The following CDH23 variants were observed in gnomAD, a reference collection of about 807,000 sequenced individuals.
CDH23 encodes the protein cadherin-23.
CDH23 carries 189 observed loss-of-function variants against 317.1 expected under a neutral mutation model. The ratio of observed to expected loss-of-function variants is 0.60; its 90% CI spans 0.53 to 0.67. The LOEUF is 0.67. CDH23 is among the 30% of genes least tolerant of loss of function. The pLI, the probability that CDH23 is intolerant of heterozygous loss-of-function variation, is 0.00. For missense variants in CDH23, 4,401 were observed against 4,592.4 expected (o/e 0.96, Z 1.20); for synonymous variants, 1,839 against 1,876.8 (o/e 0.98, Z 0.52).
At chr10:71,655,736 A>G (rs538721053) in intron 14 of CDH23, among the ~76,000 whole-genome samples, 2 of 152,180 alleles carry the variant, frequency 1.3e-5, no homozygotes, top group Admixed American at 6.5e-5. Flanking sequence ...GGTCTGGGGT[A>G]TCTAGGACAG....
intron 3 of CDH23, among the ~76,000 whole-genome samples, chr10:71,448,195 T>C (rs138781982): frequency 1.3e-5 from 2 of 152,194 alleles, no homozygotes; most frequent in Non-Finnish European, 2.9e-5. Flanking sequence ...TTGGGATGGG[T>C]TGGGGAGGGA....
At chr10:71,399,952 C>A (rs1847706085) in intron 1 of CDH23, among the ~76,000 whole-genome samples, 1 of 151,988 alleles carries the variant, frequency 6.6e-6, no homozygotes, top group Admixed American at 6.6e-5. Context: ...CTGCCCCTCC[C>A]AGATGGGTGG....
intron 9 of CDH23, among the ~76,000 whole-genome samples, chr10:71,601,961 A>AGGCGG (rs1289348195): frequency 7.1e-6 from 1 of 139,980 alleles, no homozygotes; most frequent in African/African-American, 2.6e-5. Flanking sequence ...TGGGCGGCGG[A>AGGCGG]GGGGGGGGGG....
In CDH23 at chr10:71,475,983, G is replaced by A. The variant is rs183052644; in HGVS notation, c.145+29588G>A. On this transcript the variant is annotated intron_variant, in intron 3 of 69. Coordinates refer to ENST00000224721, the MANE Select transcript of CDH23 (RefSeq NM_022124.6). Reference sequence around the variant, plus strand: ...TTCCACTCTTCAAAGCAAGGGGGTGGCTGAGATGGTTTCTGAGGTCCTTTG... The same window carrying A: ...TTCCACTCTTCAAAGCAAGGGGGTGACTGAGATGGTTTCTGAGGTCCTTTG... 5.4e-3 allele frequency among the ~76,000 whole-genome samples: 824 copies of A among 152,346 alleles called. 23 individuals carry two copies. The highest frequency in any genetic ancestry group is 0.039 in the Admixed American group (599 of 15,306).
chr10:71,401,943 A>G (rs1847799927), intron 1 of CDH23, among the ~76,000 whole-genome samples: 3 of 152,244 alleles, frequency 2.0e-5, no homozygotes, highest in African/African-American at 7.2e-5. Flanking sequence ...ATTGAATCCC[A>G]TAGGGCAGAA....
chr10:71,754,238 G>T (rs889898919), intron 38 of CDH23, among the ~76,000 whole-genome samples: 1 of 152,170 alleles, frequency 6.6e-6, no homozygotes, highest in African/African-American at 2.4e-5. Flanking sequence ...CAGGTAGGTT[G>T]TGGTGTGTTC....
chr10:71,658,763 G>GA (rs1863522562), intron 14 of CDH23, among the ~76,000 whole-genome samples: 1 of 152,174 alleles, frequency 6.6e-6, no homozygotes, highest in Non-Finnish European at 1.5e-5. Flanking sequence ...CCGGGATTCA[G>GA]ACCCCAGACG....
chr10:71,754,533 G>C (rs1840084884), intron 38 of CDH23, among the ~76,000 whole-genome samples: 1 of 152,138 alleles, frequency 6.6e-6, no homozygotes. Context: ...GACTAACCAA[G>C]ACTCAAGGGC....
chr10:71,783,599 C>A, intron 41 of CDH23, among the ~76,000 whole-genome samples: 1 of 152,354 alleles, frequency 6.6e-6, no homozygotes, highest in South Asian at 2.1e-4. Flanking sequence ...TCGGGCCCTG[C>A]AGCCCAGCCA....
At chr10:71,410,464 G>C (rs1848300084) in intron 1 of CDH23, among the ~76,000 whole-genome samples, 1 of 152,198 alleles carries the variant, frequency 6.6e-6, no homozygotes, top group African/African-American at 2.4e-5. Flanking sequence ...CAGGAAGAGA[G>C]GCAAAGCAGG....
intron 41 of CDH23, among the ~76,000 whole-genome samples, chr10:71,779,851 A>G (rs1364558107): frequency 1.3e-5 from 2 of 152,250 alleles, no homozygotes; most frequent in Non-Finnish European, 2.9e-5. Context: ...TGCTCTGCAC[A>G]TCTCATAGTC....
intron 6 of CDH23, among the ~76,000 whole-genome samples, chr10:71,524,449 T>C (rs72813926): frequency 0.031 from 4,686 of 152,314 alleles, 93 homozygotes; most frequent in Non-Finnish European, 0.052. Flanking sequence ...GGAGAAGGGC[T>C]GAGTCTGGCC....
intron 19 of CDH23, among the ~76,000 whole-genome samples, chr10:71,688,872 ATGATGGAGCCAGGGG>A (rs1865037771): frequency 1.7e-5 from 1 of 57,494 alleles, no homozygotes; most frequent in African/African-American, 6.9e-5. Flanking sequence ...GGAGTCAGGG[ATGATGGAGCCAGGGG>A]TGGTGGAGCC....
At position 71,798,573 on chromosome 10, in the gene CDH23, C is replaced by A; in HGVS notation, c.7049C>A (p.Ser2350Ter). 6.2e-7 allele frequency: 1 copy of A among 1,607,322 alleles called. No individual in the cohort carries two copies. Among genetic ancestry groups the A allele is most frequent in the South Asian group, 1.1e-5 (1 of 90,638 alleles). The change falls in exon 50 of 70, where the codon TCG becomes TAG. Residue 2350 changes from serine (S) to a stop codon, truncating the protein, a stop_gained. Transcript: ENST00000224721. LOFTEE classifies it high-confidence loss of function. Reference protein sequence around the residue: ...PPGYVQLEDSSAGKVIANRTV... With the variant: ...PPGYVQLEDS ...GGGTATGTCCAGCTGGAGGACTCCTCGGCAGGTAGGTTAGAAATCTGTCAG... is the reference window on the plus strand; with the variant it reads ...GGGTATGTCCAGCTGGAGGACTCCTAGGCAGGTAGGTTAGAAATCTGTCAG...
At chr10:71,400,350 C>T (rs1010847185) in intron 1 of CDH23, among the ~76,000 whole-genome samples, 1 of 152,208 alleles carries the variant, frequency 6.6e-6, no homozygotes, top group Non-Finnish European at 1.5e-5. Flanking sequence ...AGAGGCAGTC[C>T]TTCCCCTAAG....
chr10:71,544,972 G>A (rs58103374), intron 6 of CDH23, among the ~76,000 whole-genome samples: 1,803 of 152,270 alleles, frequency 0.012, 36 homozygotes, highest in African/African-American at 0.041. Flanking sequence ...GTGCCCTGGG[G>A]TAACCCTGGG....
At position 71,440,312 on chromosome 10, in the gene CDH23, C is replaced by T. The variant is rs1564581110; in HGVS notation, c.67+414C>T. ...AGCTCTGAGGGAATGGAGGAAATAA[C>T]TCATTCTCAAGAAGCTCAGAGCCTG... On this transcript the variant is annotated intron_variant, in intron 2 of 69. Transcript: ENST00000224721. 1.3e-5 allele frequency among the ~76,000 whole-genome samples: 2 copies of T among 152,288 alleles called. 1 individual carries two copies. Among genetic ancestry groups the T allele is most frequent in the South Asian group, 4.1e-4 (2 of 4,828 alleles).
At chr10:71,638,747 G>A (rs751304082) in intron 11 of CDH23, among the ~76,000 whole-genome samples, 11 of 152,196 alleles carry the variant, frequency 7.2e-5, no homozygotes, top group Non-Finnish European at 1.0e-4. Flanking sequence ...GGACAACCAC[G>A]CTGGGTCAGC....
chr10:71,722,459 G>A (rs1447823128), intron 28 of CDH23, among the ~76,000 whole-genome samples: 1 of 152,212 alleles, frequency 6.6e-6, no homozygotes, highest in Non-Finnish European at 1.5e-5. Context: ...TGCTTACTGA[G>A]TGTCAGCCTA....
Sources: gnomAD v4.1 joint callset for allele counts (sites outside exome capture counted in the v4.1 genomes callset) on GRCh38, gnomAD v4.1.1 for gene constraint, MANE v1.5 for transcripts, NCBI Gene and HGNC (gene_info 2026-07-23, HGNC 2026-07-21) for gene names.